Variants in RANBP17 observed in about 807,000 individuals in gnomAD.
RANBP17 encodes RAN binding protein 17.
RANBP17 carries 158 observed loss-of-function variants against 141.2 expected under a neutral mutation model. The ratio of observed to expected loss-of-function variants is 1.12; its 90% CI spans 0.98 to 1.28. RANBP17 has a LOEUF of 1.28. RANBP17 is among the 50% of genes most tolerant of loss of function. The probability of loss-of-function intolerance (pLI) is 0.00; values close to 1 mark genes in which losing one functional copy is unlikely to be tolerated. For missense variants in RANBP17, 1,438 were observed against 1,290.7 expected (o/e 1.11, Z -1.75); for synonymous variants, 430 against 450.0 (o/e 0.96, Z 0.56).
intron 14 of RANBP17, among the ~76,000 whole-genome samples, chr5:171,125,296 CA>C (rs3083436): frequency 0.014 from 1,209 of 85,906 alleles, 12 homozygotes; most frequent in African/African-American, 0.051. Flanking sequence ...GACTATGTAT[CA>C]AAAAAAAAAA....
At chr5:171,080,493 A>T (rs1484818110) in intron 14 of RANBP17, among the ~76,000 whole-genome samples, 1 of 152,186 alleles carries the variant, frequency 6.6e-6, no homozygotes, top group African/African-American at 2.4e-5. Flanking sequence ...ATGAATTTTT[A>T]ATGTGAAAGC....
intron 14 of RANBP17, among the ~76,000 whole-genome samples, chr5:171,124,077 A>G (rs1756246615): frequency 6.6e-6 from 1 of 152,140 alleles, no homozygotes; most frequent in African/African-American, 2.4e-5. Flanking sequence ...CAAAATAATG[A>G]TAAGATACAA....
chr5:171,249,982 CTTAAAGAGCAAATCCT>C (rs2128002731), intron 24 of RANBP17, among the ~76,000 whole-genome samples: 1 of 152,212 alleles, frequency 6.6e-6, no homozygotes, highest in Admixed American at 6.5e-5. Context: ...TATAGTAAAA[CTTAAAGAGCAAATCCT>C]TAAAACTGCA....
intron 21 of RANBP17, among the ~76,000 whole-genome samples, chr5:171,215,248 T>C (rs1427298658): frequency 6.6e-6 from 1 of 152,186 alleles, no homozygotes; most frequent in African/African-American, 2.4e-5. Flanking sequence ...TCTTTTTTTA[T>C]GGCTGCATAG....
intron 14 of RANBP17, among the ~76,000 whole-genome samples, chr5:171,025,670 A>G (rs150919729): frequency 1.4e-3 from 216 of 149,360 alleles, no homozygotes; most frequent in Middle Eastern, 3.5e-3. Flanking sequence ...TGAATTCCTG[A>G]GTTTAAGCAA....
At chr5:171,218,064 T>C (rs1032516302) in intron 21 of RANBP17, among the ~76,000 whole-genome samples, 3 of 152,242 alleles carry the variant, frequency 2.0e-5, no homozygotes, top group African/African-American at 4.8e-5. Context: ...GCTTTAGCTG[T>C]GTCCCAGAGA....
At chr5:171,239,999 G>A (rs889681686) in intron 22 of RANBP17, among the ~76,000 whole-genome samples, 1 of 152,210 alleles carries the variant, frequency 6.6e-6, no homozygotes, top group Non-Finnish European at 1.5e-5. Flanking sequence ...AAAGGGAAGT[G>A]GATTCTAAGA....
At position 171,061,182 on chromosome 5, in the gene RANBP17, G is replaced by C. The variant is rs540140369; in HGVS notation, c.1710+92805G>C. ...TTCCTTCAGTTCTGCTCTGATTTTA[G>C]TTATTTCTTGCCTTCTGCTAGCTTT... is the stretch of plus-strand genomic sequence containing the variant. On this transcript the variant is annotated intron_variant, in intron 14 of 27. Transcript: ENST00000523189. Among the ~76,000 whole-genome samples the C allele has an allele frequency of 2.5e-3, 383 of 151,758 alleles. 4 individuals carry two copies. The highest frequency in any genetic ancestry group is 7.7e-3 in the African/African-American group (321 of 41,424).
intron 14 of RANBP17, among the ~76,000 whole-genome samples, chr5:170,997,921 T>G (rs1264893657): frequency 1.3e-5 from 2 of 152,098 alleles, no homozygotes; most frequent in African/African-American, 4.8e-5. Flanking sequence ...TTTCCAGTAT[T>G]ATTTCTTATA....
intron 14 of RANBP17, among the ~76,000 whole-genome samples, chr5:171,105,694 G>A (rs2127750715): frequency 6.6e-6 from 1 of 150,958 alleles, no homozygotes; most frequent in East Asian, 2.0e-4. Flanking sequence ...CTCCAGCCTG[G>A]GTGACAGAGT....
rs187111991 is a variant in RANBP17 at position 171,288,086 on chromosome 5, G to A, written c.2944-5797G>A. On this transcript the variant is annotated intron_variant, in intron 25 of 27. Transcript: ENST00000523189. ...CTGTGTACATTACTTTTGGTGGGAGGAAAGTCATTATTTTTATCAAAATGT... is the reference window on the plus strand; with the variant it reads ...CTGTGTACATTACTTTTGGTGGGAGAAAAGTCATTATTTTTATCAAAATGT... 4.1e-3 allele frequency among the ~76,000 whole-genome samples: 619 copies of A among 152,166 alleles called. 6 individuals are homozygous for A. The highest frequency in any genetic ancestry group is 0.013 in the African/African-American group (544 of 41,496).
At chr5:171,067,005 A>C (rs984508726) in intron 14 of RANBP17, among the ~76,000 whole-genome samples, 1 of 152,272 alleles carries the variant, frequency 6.6e-6, no homozygotes, top group East Asian at 1.9e-4. Context: ...TACATTAAAA[A>C]TATAGGTTAT....
chr5:170,924,184 A>G (rs1363466874), intron 11 of RANBP17, among the ~76,000 whole-genome samples, 173 bp from the exon 12 acceptor site: 3 of 151,988 alleles, frequency 2.0e-5, no homozygotes, highest in Non-Finnish European at 2.9e-5. Flanking sequence ...TTTTAGAGTC[A>G]GGATTTCGCT....
At chr5:171,180,810 C>T (rs1453385859) in intron 16 of RANBP17, among the ~76,000 whole-genome samples, 1 of 152,060 alleles carries the variant, frequency 6.6e-6, no homozygotes, top group Non-Finnish European at 1.5e-5. Flanking sequence ...GCACAGATGC[C>T]GTTCTGCAGA....
At chr5:170,942,745 C>T (rs1774428745) in intron 12 of RANBP17, among the ~76,000 whole-genome samples, 1 of 152,002 alleles carries the variant, frequency 6.6e-6, no homozygotes, top group African/African-American at 2.4e-5. Flanking sequence ...ACTTCATATG[C>T]GTTACATATA....
In RANBP17 at chr5:170,934,883, G is replaced by C. The variant is rs188386334; in HGVS notation, c.1468+10333G>C. On this transcript the variant is annotated intron_variant, in intron 12 of 27. Transcript: ENST00000523189. Reference sequence around the variant, plus strand: ...CTAGGTTGGGGAAGTTCTCCTGGATGATATCCTGAAGAGTGGTTTCCAACT... The same window carrying C: ...CTAGGTTGGGGAAGTTCTCCTGGATCATATCCTGAAGAGTGGTTTCCAACT... 5.5e-4 allele frequency among the ~76,000 whole-genome samples: 83 copies of C among 152,152 alleles called. 1 individual carries two copies. The highest frequency in any genetic ancestry group is 1.2e-4 in the Non-Finnish European group (8 of 68,024).
chr5:171,171,443 G>T (rs1760092602), intron 16 of RANBP17, among the ~76,000 whole-genome samples, 157 bp downstream of exon 16: 2 of 151,924 alleles, frequency 1.3e-5, no homozygotes, highest in African/African-American at 4.8e-5. Flanking sequence ...TTTTTGAAAG[G>T]TTTTAATTAG....
chr5:170,899,326 T>G (rs1010985965), intron 5 of RANBP17, among the ~76,000 whole-genome samples: 1 of 152,202 alleles, frequency 6.6e-6, no homozygotes, highest in Non-Finnish European at 1.5e-5. Context: ...GTTCGTCTGT[T>G]ATTGGTGTAT....
intron 12 of RANBP17, among the ~76,000 whole-genome samples, chr5:170,929,776 G>A (rs1041441913): frequency 1.3e-5 from 2 of 152,118 alleles, no homozygotes; most frequent in Non-Finnish European, 2.9e-5. Flanking sequence ...AAGAATTTGT[G>A]TAGTATTGCT....
Sources: allele counts gnomAD v4.1 joint callset (sites outside exome capture counted in the v4.1 genomes callset), GRCh38; gene constraint gnomAD v4.1.1; transcripts MANE v1.5; gene names NCBI Gene and HGNC (gene_info 2026-07-23, HGNC 2026-07-21).